The following PDE4DIP variants were observed in gnomAD, a reference collection of about 807,000 sequenced individuals.
PDE4DIP encodes the protein phosphodiesterase 4D interacting protein, also known as myomegalin.
A neutral mutation model predicts 221.4 loss-of-function variants in PDE4DIP; 59 were observed. That is an observed-to-expected ratio of 0.27 (90% CI 0.22 to 0.33). PDE4DIP has a LOEUF of 0.33. Among genes scored for constraint, PDE4DIP ranks in the 10% least tolerant of loss-of-function variants. PDE4DIP has a pLI of 1.00. For synonymous variants in PDE4DIP, 404 were observed against 815.9 expected (o/e 0.50, Z 8.60); for missense variants, 1,036 against 2,154.2 (o/e 0.48, Z 10.28).
In PDE4DIP at chr1:148,851,747, C is replaced by T; in HGVS notation, c.234-11503C>T. Among the ~76,000 whole-genome samples the T allele has an allele frequency of 3.7e-5, 3 of 80,030 alleles. 1 individual carries two copies. The Middle Eastern group carries it at 0.017, about 450-fold the overall frequency. The allele number at this position is 80,030 out of a possible 152,430, so 52.5% of individuals were successfully genotyped here. A position where few individuals can be genotyped will look rare whatever the true frequency, so the allele number is the denominator to read the frequency against. On this transcript the variant is annotated intron_variant, in intron 1 of 45. Coordinates refer to the PDE4DIP transcript ENST00000524974. ...CAGAATACAAGAGATGTCATATTGA[C>T]CCAAGGTGGCTCTATGTGATTCTAT...
At chr1:148,948,437 A>C (rs2052331403) in intron 5 of PDE4DIP, among the ~76,000 whole-genome samples, 1 of 148,924 alleles carries the variant, frequency 6.7e-6, no homozygotes, top group Non-Finnish European at 1.5e-5. Flanking sequence ...GTGCCACTGC[A>C]CTCCAGCCTG....
At chr1:148,953,113 G>A (rs781817347) in intron 5 of PDE4DIP, 6 of 1,614,092 alleles carry the variant, frequency 3.7e-6, no homozygotes, top group Middle Eastern at 1.6e-4. Context: ...TCAAGGCGGG[G>A]AATGGGACGG....
chr1:148,924,435 GT>G (rs1248907011), intron 1 of PDE4DIP, among the ~76,000 whole-genome samples: 4 of 152,036 alleles, frequency 2.6e-5, no homozygotes, highest in Non-Finnish European at 4.4e-5. Flanking sequence ...TCGTTAAAAG[GT>G]TTTTTCTTTC....
chr1:148,930,500 G>C (rs1353296108), intron 2 of PDE4DIP: 1 of 149,764 alleles, frequency 6.7e-6, no homozygotes, highest in African/African-American at 2.5e-5. Flanking sequence ...CTGGGCGACA[G>C]AGCCAGACTC....
At chr1:148,821,079 C>A (rs1444138380) in intron 1 of PDE4DIP, among the ~76,000 whole-genome samples, 3 of 149,838 alleles carry the variant, frequency 2.0e-5, no homozygotes, top group Non-Finnish European at 4.4e-5. Context: ...TCTCGATCTC[C>A]TGACCTCGTG....
chr1:148,951,750 T>C (rs1300097756), intron 5 of PDE4DIP, among the ~76,000 whole-genome samples: 2 of 152,304 alleles, frequency 1.3e-5, no homozygotes, highest in African/African-American at 4.8e-5. Context: ...AGGTGACTGC[T>C]CTGTGCTTTT....
At chr1:148,977,720 C>T (rs1286683812) in intron 17 of PDE4DIP, among the ~76,000 whole-genome samples, 3 of 152,134 alleles carry the variant, frequency 2.0e-5, no homozygotes, top group Non-Finnish European at 4.4e-5. Flanking sequence ...TTTATAGTGC[C>T]AGCTAAAGTA....
At position 148,818,078 on chromosome 1, in the gene PDE4DIP, T is replaced by A. The variant is rs1235154257; in HGVS notation, c.233+9341T>A. ...GTGATCTGCCCGCCTCCTCCCAAAG[T>A]GCTGGGATTACAGGCGTGAGGCACT... On this transcript the variant is annotated intron_variant, in intron 1 of 45. Coordinates refer to the PDE4DIP transcript ENST00000524974. 1.2e-3 allele frequency among the ~76,000 whole-genome samples: 174 copies of A among 150,112 alleles called. 8 individuals are homozygous for A. The highest frequency in any genetic ancestry group is 4.0e-3 in the African/African-American group (163 of 40,476).
chr1:149,018,066 G>T (rs1414490344), intron 34 of PDE4DIP, among the ~76,000 whole-genome samples, 187 bp downstream of exon 37: 1 of 152,142 alleles, frequency 6.6e-6, no homozygotes, highest in Non-Finnish European at 1.5e-5. Flanking sequence ...GCAGAACTAC[G>T]TCTGATGCCC....
At chr1:149,028,626 G>A (rs1335548925) in exon 41 of PDE4DIP, 1 of 1,605,434 alleles carries the variant, frequency 6.2e-7, no homozygotes, top group Non-Finnish European at 8.5e-7. Flanking sequence ...TGCCCTAGAG[G>A]AGTCAGCTTC....
At chr1:149,010,168 T>G (rs1393526) in intron 30 of PDE4DIP, among the ~76,000 whole-genome samples, 11,528 of 152,134 alleles carry the variant, frequency 0.076, 878 homozygotes, top group East Asian at 0.46. Flanking sequence ...CTAAGTATAT[T>G]TGGGTGTCCA....
Position 149,005,029 on chromosome 1 carries a change from TA to T in PDE4DIP, c.4008del (p.Lys1338SerfsTer24). The stretch of plus-strand genomic sequence containing the variant: ...GAGAGGAAGCCCTTGGAGAACCAGC[TA>T]GGGAAGCAGGAAGAGTTCCGGGTAT... On this transcript the variant is annotated frameshift_variant, in exon 27 of 44. Coordinates refer to ENST00000369354, the Ensembl canonical transcript of PDE4DIP. LOFTEE classifies it high-confidence loss of function. 1.3e-6 allele frequency: 2 copies of T among 1,574,800 alleles called. No homozygotes were observed. Among genetic ancestry groups the T allele is most frequent in the Non-Finnish European group, 1.7e-6 (2 of 1,145,898 alleles).
At chr1:148,941,572 G>GTCA (rs1553479859) in intron 5 of PDE4DIP, among the ~76,000 whole-genome samples, 2 of 110,214 alleles carry the variant, frequency 1.8e-5, no homozygotes, top group Non-Finnish European at 3.7e-5. Flanking sequence ...GATAATTGAT[G>GTCA]TCACCTCCTC....
chr1:148,952,758 C>CT, intron 5 of PDE4DIP: 1 of 1,319,898 alleles, frequency 7.6e-7, no homozygotes, highest in Non-Finnish European at 1.0e-6. Context: ...CCTCGGGAAG[C>CT]TTGCCACCCG....
intron 1 of PDE4DIP, among the ~76,000 whole-genome samples, chr1:148,905,179 T>A (rs1302782027): frequency 6.7e-5 from 1 of 14,844 alleles, no homozygotes; most frequent in Non-Finnish European, 1.6e-4. Flanking sequence ...CTCTTCTAGG[T>A]TTTTTTTTTT....
intron 5 of PDE4DIP, among the ~76,000 whole-genome samples, chr1:148,956,551 C>G (rs1294126174): frequency 2.0e-5 from 3 of 152,132 alleles, no homozygotes; most frequent in Non-Finnish European, 2.9e-5. Context: ...AGGTTTGAAG[C>G]CTTCTTCTAG....
At chr1:149,023,727 T>C (rs587719812) in intron 37 of PDE4DIP, among the ~76,000 whole-genome samples, 1 of 89,656 alleles carries the variant, frequency 1.1e-5, no homozygotes, top group African/African-American at 4.9e-5. Context: ...TGTGTGCACA[T>C]ATATATGTAC....
intron 1 of PDE4DIP, among the ~76,000 whole-genome samples, chr1:148,924,777 C>CAAG (rs1553464774): frequency 6.6e-6 from 1 of 151,166 alleles, no homozygotes; most frequent in Non-Finnish European, 1.5e-5. Flanking sequence ...GACAAAGAGC[C>CAAG]AAGAAGACTT....
chr1:148,954,143 T>C (rs1402276720), intron 5 of PDE4DIP, among the ~76,000 whole-genome samples: 6 of 152,234 alleles, frequency 3.9e-5, no homozygotes, highest in South Asian at 4.1e-4. Flanking sequence ...CAAAATTGTA[T>C]ACCTTTTAAA....
Sources: allele counts gnomAD v4.1 joint callset (sites outside exome capture counted in the v4.1 genomes callset), GRCh38; gene constraint gnomAD v4.1.1; transcripts MANE v1.5; gene names NCBI Gene and HGNC (gene_info 2026-07-23, HGNC 2026-07-21).